The following KIAA0825 variants were observed in gnomAD, a reference collection of about 807,000 sequenced individuals.
KIAA0825 encodes the protein uncharacterized protein KIAA0825.
A neutral mutation model predicts 147.6 loss-of-function variants in KIAA0825; 119 were observed. The ratio of observed to expected loss-of-function variants is 0.81; its 90% CI spans 0.69 to 0.94. The LOEUF is 0.94. Ranked by LOEUF, KIAA0825 falls within the 40% of genes least tolerant of loss-of-function variation. The pLI, the probability that KIAA0825 is intolerant of heterozygous loss-of-function variation, is 0.00. For synonymous variants in KIAA0825, 470 were observed against 518.1 expected, an observed-to-expected ratio of 0.91 and a Z score of 1.26; for missense variants, 1,381 against 1,472.7, an observed-to-expected ratio of 0.94 and a Z score of 1.02.
intron 20 of KIAA0825, among the ~76,000 whole-genome samples, chr5:94,160,128 CT>C (rs1767414227): frequency 6.6e-6 from 1 of 151,962 alleles, no homozygotes; most frequent in Non-Finnish European, 1.5e-5. Context: ...TCTCTGTTAC[CT>C]TCTTTCTGCT....
At chr5:94,306,388 AAAAATTGAC>A (rs769017146) in intron 20 of KIAA0825, among the ~76,000 whole-genome samples, 9 of 151,870 alleles carry the variant, frequency 5.9e-5, no homozygotes, top group Non-Finnish European at 1.3e-4. Context: ...CTCATCATTT[AAAAATTGAC>A]AAAATGATTT....
chr5:94,586,255 G>T lies in KIAA0825; in HGVS notation c.-152-3672C>A, dbSNP rs1584969215. Among the ~76,000 whole-genome samples, 6 of 152,006 alleles carry T rather than the reference G, an allele frequency of 3.9e-5. No homozygotes were observed. The South Asian group carries it at 1.2e-3, about 32-fold the overall frequency. On this transcript the variant is annotated intron_variant, in intron 1 of 20. Coordinates refer to ENST00000682413, the MANE Select transcript of KIAA0825 (RefSeq NM_001145678.3). ...AAAAAAATCAATGAATCCAGGAGCT[G>T]GTTTTCTAAAAGATCAACAAAATAG...
At chr5:94,469,389 C>A (rs951019779) in intron 10 of KIAA0825, among the ~76,000 whole-genome samples, 1 of 152,136 alleles carries the variant, frequency 6.6e-6, no homozygotes, top group Non-Finnish European at 1.5e-5. Context: ...CCAGGCTGGT[C>A]TCAAACCCCT....
At chr5:94,384,507 T>C (rs1168430349) in intron 19 of KIAA0825, 49 bp from the exon 20 acceptor site, 1 of 1,428,182 alleles carries the variant, frequency 7.0e-7, no homozygotes, top group Non-Finnish European at 9.7e-7. Context: ...TTAATCAGAG[T>C]TAATATGATC....
At chr5:94,294,200 G>A (rs1486213856) in intron 20 of KIAA0825, among the ~76,000 whole-genome samples, 1 of 152,162 alleles carries the variant, frequency 6.6e-6, no homozygotes, top group East Asian at 1.9e-4. Flanking sequence ...TTGCCCATTA[G>A]TTGATGCAGT....
chr5:94,577,611 C>T (rs1781317128), intron 2 of KIAA0825, among the ~76,000 whole-genome samples: 3 of 152,166 alleles, frequency 2.0e-5, no homozygotes, highest in Admixed American at 2.0e-4. Flanking sequence ...TTTTACAAAT[C>T]AGCTTTCAAA....
At chr5:94,235,665 T>C (rs991906041) in intron 20 of KIAA0825, among the ~76,000 whole-genome samples, 23 of 152,172 alleles carry the variant, frequency 1.5e-4, no homozygotes, top group African/African-American at 5.1e-4. Context: ...AGGACATCCA[T>C]AGTTAGAGAG....
At chr5:94,341,967 G>A (rs1782434641) in intron 20 of KIAA0825, among the ~76,000 whole-genome samples, 3 of 152,132 alleles carry the variant, frequency 2.0e-5, no homozygotes, top group Non-Finnish European at 2.9e-5. Context: ...GCCAAGGCAG[G>A]CGGGTCATGA....
At chr5:94,520,121 T>C in intron 5 of KIAA0825, 127 bp downstream of exon 5, 1 of 1,245,570 alleles carries the variant, frequency 8.0e-7, no homozygotes, top group Non-Finnish European at 1.0e-6. Context: ...TACTGCAAAA[T>C]TTCATTACAT....
At chr5:94,327,300 C>G (rs911922913) in intron 20 of KIAA0825, among the ~76,000 whole-genome samples, 5 of 151,656 alleles carry the variant, frequency 3.3e-5, no homozygotes. Flanking sequence ...ATGCTTCCAC[C>G]TTTATTTACA....
At chr5:94,182,026 A>G (rs1167986381) in intron 20 of KIAA0825, among the ~76,000 whole-genome samples, 1 of 151,972 alleles carries the variant, frequency 6.6e-6, no homozygotes, top group Non-Finnish European at 1.5e-5. Context: ...CAAGATGTTT[A>G]AACTCCTTAT....
intron 1 of KIAA0825, among the ~76,000 whole-genome samples, chr5:94,602,907 C>T (rs112764555): frequency 0.076 from 11,526 of 151,370 alleles, 485 homozygotes; most frequent in South Asian, 0.11. Context: ...CAGCTCACTG[C>T]AACCTCTGCC....
chr5:94,185,698 A>G (rs572873404), intron 20 of KIAA0825, among the ~76,000 whole-genome samples: 2 of 152,326 alleles, frequency 1.3e-5, no homozygotes, highest in South Asian at 2.1e-4. Context: ...GTCAGGATAT[A>G]TAAAAATTCC....
Position 94,452,999 on chromosome 5 carries a change from AAT to A in KIAA0825, c.2315_2316del (p.Tyr772LeufsTer37). On this transcript the variant is annotated frameshift_variant, in exon 13 of 21. Coordinates refer to ENST00000682413, the MANE Select transcript of KIAA0825 (RefSeq NM_001145678.3). LOFTEE classifies it high-confidence loss of function. ...TAGAAATGTGATATGCAAGAAACCC[AAT>A]ATAATGGTTGCTTAAAAAATGATTT... ...SLKSFFKQPLYWVSCISHFYP... is the reference protein window; with the variant it reads ...SLKSFFKQPLXWVSCISHFYP... 6.5e-7 allele frequency: 1 copy of A among 1,532,702 alleles called. No homozygotes were observed. The highest frequency in any genetic ancestry group is 8.8e-7 in the Non-Finnish European group (1 of 1,139,910). 94.9% of individuals were successfully genotyped at this position (1,532,702 alleles called of 1,614,324 possible).
intron 20 of KIAA0825, among the ~76,000 whole-genome samples, chr5:94,177,058 T>C (rs977804828): frequency 1.3e-5 from 2 of 151,910 alleles, no homozygotes; most frequent in Admixed American, 6.6e-5. Context: ...TAATAAAACA[T>C]TGGAAAATGA....
intron 20 of KIAA0825, among the ~76,000 whole-genome samples, chr5:94,187,717 G>A (rs1316290375): frequency 1.3e-5 from 2 of 152,030 alleles, no homozygotes; most frequent in Non-Finnish European, 2.9e-5. Context: ...GAGCCACCGC[G>A]CCAGACCGGG....
intron 1 of KIAA0825, among the ~76,000 whole-genome samples, chr5:94,610,215 T>A (rs1788429840): frequency 6.7e-6 from 1 of 149,066 alleles, no homozygotes; most frequent in Admixed American, 6.7e-5. Flanking sequence ...AGGTCAGGAG[T>A]TCGAGACCAG....
At chr5:94,500,983 T>C (rs1765009081) in intron 5 of KIAA0825, among the ~76,000 whole-genome samples, 2 of 152,056 alleles carry the variant, frequency 1.3e-5, no homozygotes, top group Admixed American at 6.6e-5. Context: ...TTCACTATCC[T>C]CACCTCAGGT....
At chr5:94,226,842 A>G (rs1350339375) in intron 20 of KIAA0825, among the ~76,000 whole-genome samples, 1 of 152,060 alleles carries the variant, frequency 6.6e-6, no homozygotes, top group Admixed American at 6.5e-5. Context: ...CAAAACCACA[A>G]TGAGATACCA....
Sources: allele counts gnomAD v4.1 joint callset (sites outside exome capture counted in the v4.1 genomes callset), GRCh38; gene constraint gnomAD v4.1.1; transcripts MANE v1.5; gene names NCBI Gene and HGNC (gene_info 2026-07-23, HGNC 2026-07-21).